Variants in PCMT1 observed in about 807,000 individuals in gnomAD.
PCMT1 encodes the protein protein-L-isoaspartate (D-aspartate) O-methyltransferase.
In PCMT1, 9 loss-of-function variants were observed where a neutral mutation model predicts 29.2. The ratio of observed to expected loss-of-function variants is 0.31; its 90% confidence interval spans 0.19 to 0.54. The LOEUF (loss-of-function observed/expected upper bound fraction) is 0.54, where lower values mean the gene tolerates loss of function less well. Among genes scored for constraint, PCMT1 ranks in the 20% least tolerant of loss-of-function variants. The pLI, the probability that PCMT1 is intolerant of heterozygous loss-of-function variation, is 0.95. For missense variants in PCMT1, 184 were observed against 282.2 expected, an observed-to-expected ratio of 0.65 and a Z score of 2.49; for synonymous variants, 98 against 97.5, an observed-to-expected ratio of 1.00 and a Z score of -0.03.
intron 1 of PCMT1, among the ~76,000 whole-genome samples, chr6:149,758,208 C>CTTCCTTTTTTTTTTTTTTTTT (rs1786591019): frequency 1.4e-5 from 1 of 73,916 alleles, no homozygotes; most frequent in African/African-American, 5.3e-5. Flanking sequence ...TTCTTTCTTT[C>CTTCCTTTTTTTTTTTTTTTTT]TTTTTTTTTT....
rs756406619 is a variant in PCMT1 at position 149,793,717 on chromosome 6, C to T, written c.418+48C>T. 4.7e-6 allele frequency: 7 copies of T among 1,481,824 alleles called. No homozygotes were observed. The Admixed American group carries it at 1.3e-4, about 28-fold the overall frequency. The allele number at this position is 1,481,824 out of a possible 1,614,324, so 91.8% of individuals were successfully genotyped here. On this transcript the variant is annotated intron_variant, in intron 5 of 7. Transcript: ENST00000464889. ...AATTTCTTCAGAGGATTTTTATTTT[C>T]AGAAGATCCAATGCAAGCTAAATAA...
At position 149,807,652 on chromosome 6, in the gene PCMT1, T is replaced by C. The variant is rs147966653; in HGVS notation, c.*38-2964T>C. On this transcript the variant is annotated intron_variant, in intron 7 of 7. Transcript: ENST00000464889. The stretch of plus-strand genomic sequence containing the variant: ...TCCAAAACTGCTGGAATTACAGGTG[T>C]GAGCCACCACACCCAGACTATTTTT... 1.4e-3 allele frequency among the ~76,000 whole-genome samples: 220 copies of C among 152,332 alleles called. 1 individual carries two copies. The highest frequency in any genetic ancestry group is 5.2e-3 in the African/African-American group (215 of 41,572).
intron 3 of PCMT1, among the ~76,000 whole-genome samples, chr6:149,775,601 G>T (rs1006569445): frequency 2.0e-5 from 3 of 152,122 alleles, no homozygotes; most frequent in African/African-American, 7.2e-5. Flanking sequence ...CCAGCTACAA[G>T]GGAGGCCAAG....
intron 7 of PCMT1, among the ~76,000 whole-genome samples, chr6:149,808,083 G>T (rs1776062042): frequency 6.6e-6 from 1 of 152,072 alleles, no homozygotes; most frequent in Non-Finnish European, 1.5e-5. Context: ...CATGGATTTT[G>T]ATTGTTGTTT....
chr6:149,774,077 A>C (rs1041607812), intron 3 of PCMT1, among the ~76,000 whole-genome samples: 1 of 151,600 alleles, frequency 6.6e-6, no homozygotes, highest in Non-Finnish European at 1.5e-5. Context: ...TGCAGCCTTG[A>C]CTCCCGGGCT....
rs1354673798 is a variant in PCMT1 at position 149,765,968 on chromosome 6, A to T, written c.56-5194A>T. 7.1e-5 allele frequency among the ~76,000 whole-genome samples: 9 copies of T among 127,108 alleles called. No homozygotes were observed. The Admixed American group carries it at 7.9e-4, about 11-fold the overall frequency. 83.4% of individuals were successfully genotyped at this position (127,108 alleles called of 152,430 possible). ...GCAACAAGAGTGAAACTCTGTCTCAAAAAAAAAATAAATTTTTTTTTTTTT... is the reference window on the plus strand; with the variant it reads ...GCAACAAGAGTGAAACTCTGTCTCATAAAAAAAATAAATTTTTTTTTTTTT... On this transcript the variant is annotated intron_variant, in intron 1 of 7. Coordinates refer to ENST00000464889, the MANE Select transcript of PCMT1 (RefSeq NM_001360452.2).
At chr6:149,803,832 G>A (rs543228320) in intron 7 of PCMT1, among the ~76,000 whole-genome samples, 1 of 149,344 alleles carries the variant, frequency 6.7e-6, no homozygotes, top group East Asian at 2.0e-4. Flanking sequence ...TTTAGTCCAG[G>A]CATTTTGGGA....
chr6:149,804,792 A>G (rs188864447), intron 7 of PCMT1, among the ~76,000 whole-genome samples: 85 of 151,606 alleles, frequency 5.6e-4, no homozygotes, highest in Admixed American at 3.1e-3. Flanking sequence ...GTCAGCCACC[A>G]TGCCTGGCCC....
intron 7 of PCMT1, among the ~76,000 whole-genome samples, chr6:149,805,871 G>T (rs2115348776): frequency 6.6e-6 from 1 of 151,598 alleles, no homozygotes; most frequent in South Asian, 2.1e-4. Context: ...AACCTGGGAG[G>T]TGGAGGTTGC....
chr6:149,751,312 C>A (rs1562391960), intron 1 of PCMT1, among the ~76,000 whole-genome samples: 1 of 151,886 alleles, frequency 6.6e-6, no homozygotes, highest in Non-Finnish European at 1.5e-5. Flanking sequence ...GGAGGAAACT[C>A]CGCCTCAAAA....
chr6:149,789,312 G>A (rs144586141), intron 3 of PCMT1, among the ~76,000 whole-genome samples: 1 of 151,828 alleles, frequency 6.6e-6, no homozygotes, highest in East Asian at 2.0e-4. Flanking sequence ...TCCTGACCTC[G>A]TGATCTACCT....
intron 2 of PCMT1, chr6:149,772,150 A>G (rs746341935): frequency 2.2e-5 from 10 of 455,622 alleles, no homozygotes; most frequent in East Asian, 1.4e-4. Context: ...TTGACGCACT[A>G]TAACAGTCAG....
intron 7 of PCMT1, among the ~76,000 whole-genome samples, chr6:149,805,978 G>A (rs893176137): frequency 4.0e-5 from 6 of 150,010 alleles, no homozygotes; most frequent in African/African-American, 7.4e-5. Context: ...TTACATGTTC[G>A]CACTATCAGA....
intron 1 of PCMT1, among the ~76,000 whole-genome samples, chr6:149,759,962 C>T (rs1303326722): frequency 6.6e-6 from 1 of 152,140 alleles, no homozygotes; most frequent in East Asian, 1.9e-4. Context: ...CTTTCATAGC[C>T]ATCCCTTTCA....
intron 3 of PCMT1, among the ~76,000 whole-genome samples, chr6:149,781,505 G>A (rs772519776): frequency 6.6e-6 from 1 of 152,062 alleles, no homozygotes; most frequent in Non-Finnish European, 1.5e-5. Flanking sequence ...GATTACAGGC[G>A]TGAGCCACGG....
intron 1 of PCMT1, among the ~76,000 whole-genome samples, chr6:149,764,867 C>T (rs1006169201): frequency 1.3e-5 from 2 of 151,272 alleles, no homozygotes; most frequent in Non-Finnish European, 2.9e-5. Context: ...CAGTGAAACC[C>T]CGTCTCTACT....
intron 3 of PCMT1, among the ~76,000 whole-genome samples, chr6:149,774,898 G>A (rs545193663): frequency 6.1e-4 from 93 of 151,804 alleles, no homozygotes; most frequent in Admixed American, 1.6e-3. Flanking sequence ...TAGTAGAGAC[G>A]GGGTTTCACC....
intron 3 of PCMT1, among the ~76,000 whole-genome samples, chr6:149,786,812 G>A (rs1323205560): frequency 2.0e-5 from 3 of 148,648 alleles, no homozygotes; most frequent in Non-Finnish European, 3.0e-5. Context: ...CCGGAAAGAG[G>A]CGCTCCTCAC....
intron 4 of PCMT1, among the ~76,000 whole-genome samples, chr6:149,791,456 A>T (rs933674219): frequency 2.0e-5 from 3 of 152,192 alleles, no homozygotes; most frequent in Non-Finnish European, 4.4e-5. Context: ...TCATCACATC[A>T]GTTTGATTTG....
Sources: allele counts gnomAD v4.1 joint callset (sites outside exome capture counted in the v4.1 genomes callset), GRCh38; gene constraint gnomAD v4.1.1; transcripts MANE v1.5; gene names NCBI Gene and HGNC (gene_info 2026-07-23, HGNC 2026-07-21).